RPH3A: variants seen among roughly 807,000 people sequenced by gnomAD.
RPH3A encodes the protein rabphilin 3A, also known as rabphilin-3A.
RPH3A carries 48 observed loss-of-function variants against 102.2 expected under a neutral mutation model. That is an observed-to-expected ratio of 0.47 (90% CI 0.37 to 0.60). The LOEUF is 0.60. Among genes scored for constraint, RPH3A ranks in the 20% least tolerant of loss-of-function variants. The pLI is 0.00. For missense variants in RPH3A, 781 were observed against 910.1 expected (o/e 0.86, Z 1.83); for synonymous variants, 310 against 324.3 (o/e 0.96, Z 0.47).
chr12:112,868,603 A>G lies in RPH3A; in HGVS notation c.610+8A>G, dbSNP rs2042652372. The G allele has an allele frequency of 6.2e-7, 1 of 1,612,352 alleles. No individual in the cohort carries two copies. Among genetic ancestry groups the G allele is most frequent in the Non-Finnish European group, 8.5e-7 (1 of 1,179,110 alleles). ...CCCGGGCTCCAGCTCGAGGTAGGAC[A>G]AAACAGGTGCTTCTTTCAGGACCAA... On this transcript the variant is annotated splice_region_variant and intron_variant, in intron 8 of 21. Transcript: ENST00000389385.
intron 17 of RPH3A, 137 bp downstream of exon 17, chr12:112,888,060 G>C: frequency 3.2e-6 from 3 of 929,482 alleles, no homozygotes; most frequent in African/African-American, 3.3e-5. Context: ...GCAGAGGAGA[G>C]TCAAGATTCC....
chr12:112,813,575 C>T (rs778944584), intron 2 of RPH3A, among the ~76,000 whole-genome samples: 7 of 152,158 alleles, frequency 4.6e-5, no homozygotes, highest in African/African-American at 7.2e-5. Context: ...AGGCAGAAAG[C>T]GTACTTCCTG....
At chr12:112,883,483 C>T (rs141750852) in intron 16 of RPH3A, 81 bp downstream of exon 16, 1 of 921,168 alleles carries the variant, frequency 1.1e-6, no homozygotes, top group African/African-American at 1.6e-5. Flanking sequence ...GTGAGGCCCC[C>T]AGGGCTTCAC....
At chr12:112,790,181 C>G (rs542096285), upstream of RPH3A, among the ~76,000 whole-genome samples, 1 of 151,986 alleles carries the variant, frequency 6.6e-6, no homozygotes, top group African/African-American at 2.4e-5. Context: ...CTCCACCTCC[C>G]GAGTAGCTGG....
chr12:112,672,042 A>G lies in RPH3A; in HGVS notation c.-140+96723A>G, dbSNP rs575019995. Among the ~76,000 whole-genome samples, 32 of 150,598 alleles carry G rather than the reference A, an allele frequency of 2.1e-4. No homozygotes were observed. The East Asian group carries it at 2.7e-3, about 13-fold the overall frequency. ...GTGACTTAAATATATATATATTTAT[A>G]TATATATATATGAGAGAGATTGAGA... On this transcript the variant is annotated intron_variant, in intron 1 of 21. Coordinates refer to the RPH3A transcript ENST00000543106.
At chr12:112,778,129 C>A (rs2040981302) in intron 1 of RPH3A, among the ~76,000 whole-genome samples, 1 of 152,164 alleles carries the variant, frequency 6.6e-6, no homozygotes, top group South Asian at 2.1e-4. Flanking sequence ...TCCCCAAACA[C>A]AAGAAGAGCC....
intron 1 of RPH3A, among the ~76,000 whole-genome samples, chr12:112,756,437 C>T (rs1565871277): frequency 6.6e-6 from 1 of 152,192 alleles, no homozygotes; most frequent in Non-Finnish European, 1.5e-5. Context: ...GTCTCAAACT[C>T]CTGACCTGAG....
At chr12:112,867,053 C>T (rs1281003114) in intron 7 of RPH3A, among the ~76,000 whole-genome samples, 1 of 151,856 alleles carries the variant, frequency 6.6e-6, no homozygotes, top group African/African-American at 2.4e-5. Flanking sequence ...TGTTCATCGC[C>T]CTCTGGCCTC....
chr12:112,743,028 T>G (rs2040720873), intron 1 of RPH3A, among the ~76,000 whole-genome samples: 1 of 152,328 alleles, frequency 6.6e-6, no homozygotes, highest in Middle Eastern at 3.4e-3. Flanking sequence ...CCATCCCGTG[T>G]CCTACTTCCT....
intron 1 of RPH3A, among the ~76,000 whole-genome samples, chr12:112,724,845 T>C (rs2040575737): frequency 6.6e-6 from 1 of 152,116 alleles, no homozygotes; most frequent in African/African-American, 2.4e-5. Context: ...GACACACGCC[T>C]GTAGTCCCAG....
chr12:112,748,380 T>C (rs2040762608), intron 1 of RPH3A, among the ~76,000 whole-genome samples: 1 of 152,094 alleles, frequency 6.6e-6, no homozygotes, highest in Non-Finnish European at 1.5e-5. Flanking sequence ...CTTGCCCAGG[T>C]GGAAGTGCAA....
intron 5 of RPH3A, among the ~76,000 whole-genome samples, chr12:112,862,012 CAA>C (rs56918360): frequency 0.45 from 34,387 of 76,792 alleles, 3,921 homozygotes; most frequent in East Asian, 0.52. Flanking sequence ...GACTCCGTCT[CAA>C]AAAAAAAAAA....
upstream of RPH3A, among the ~76,000 whole-genome samples, chr12:112,787,365 C>A (rs1395261049): frequency 6.6e-6 from 1 of 152,154 alleles, no homozygotes; most frequent in African/African-American, 2.4e-5. Context: ...GCACAGAGGA[C>A]CTTGAGATAA....
At chr12:112,610,395 TAGGAGGCTGGGGC>T (rs1305147369) in intron 1 of RPH3A, among the ~76,000 whole-genome samples, 3 of 150,844 alleles carry the variant, frequency 2.0e-5, no homozygotes, top group African/African-American at 7.3e-5. Flanking sequence ...TCCAGCTACT[TAGGAGGCTGGGGC>T]AGGAGAATCG....
chr12:112,849,635 AG>A, intron 5 of RPH3A, among the ~76,000 whole-genome samples: 1 of 152,336 alleles, frequency 6.6e-6, no homozygotes, highest in East Asian at 1.9e-4. Flanking sequence ...CATTAGATTA[AG>A]ATTCCTAAGG....
intron 2 of RPH3A, among the ~76,000 whole-genome samples, chr12:112,824,592 A>G (rs2041835535): frequency 6.6e-6 from 1 of 152,102 alleles, no homozygotes; most frequent in Non-Finnish European, 1.5e-5. Context: ...TTGCTTGAAC[A>G]TTTTCCTCTT....
chr12:112,641,348 T>C (rs1355414393), intron 1 of RPH3A, among the ~76,000 whole-genome samples: 3 of 152,252 alleles, frequency 2.0e-5, no homozygotes. Flanking sequence ...CAGTGTTAAA[T>C]GTGGTCAGAT....
Position 112,887,882 on chromosome 12 carries a change from C to CT in RPH3A, c.1522_1523insT (p.Gln508LeufsTer31). On this transcript the variant is annotated frameshift_variant, in exon 17 of 22. Transcript: ENST00000389385. LOFTEE classifies it high-confidence loss of function. ...CTCCCTCAAGAAACTGAAGCCCAAC[C>CT]AGAGGAAGAATTTCAACATCTGCCT... The CT allele has an allele frequency of 6.2e-7, 1 of 1,613,930 alleles. No homozygotes were observed. The highest frequency in any genetic ancestry group is 8.5e-7 in the Non-Finnish European group (1 of 1,179,856).
intron 1 of RPH3A, among the ~76,000 whole-genome samples, chr12:112,727,721 A>G (rs2136046647): frequency 6.6e-6 from 1 of 152,256 alleles, no homozygotes; most frequent in Admixed American, 6.5e-5. Context: ...TAGGGATTAG[A>G]AAGAAAAGAA....
Sources: gnomAD v4.1 joint callset for allele counts (sites outside exome capture counted in the v4.1 genomes callset) on GRCh38, gnomAD v4.1.1 for gene constraint, MANE v1.5 for transcripts, NCBI Gene and HGNC (gene_info 2026-07-23, HGNC 2026-07-21) for gene names.